Variants in MPP7 observed in about 807,000 individuals in gnomAD.
MPP7 encodes the protein MAGUK p55 scaffold protein 7, also known as MAGUK p55 subfamily member 7.
A neutral mutation model predicts 76.5 loss-of-function variants in MPP7; 60 were observed. That is an observed-to-expected ratio of 0.78 (90% confidence interval 0.64 to 0.97). The LOEUF is 0.97. Ranked by LOEUF, MPP7 falls within the 50% of genes least tolerant of loss-of-function variation. The pLI, the probability that MPP7 is intolerant of heterozygous loss-of-function variation, is 0.00. For synonymous variants in MPP7, 237 were observed against 244.5 expected (o/e 0.97, Z 0.29); for missense variants, 641 against 694.0 (o/e 0.92, Z 0.86).
At chr10:28,098,679 C>A (rs1347682777) in intron 11 of MPP7, among the ~76,000 whole-genome samples, 1 of 151,922 alleles carries the variant, frequency 6.6e-6, no homozygotes, top group East Asian at 1.9e-4. Flanking sequence ...ACACAAAATA[C>A]ATATTGGTTA....
At chr10:28,063,177 T>C (rs1851859695) in intron 13 of MPP7, among the ~76,000 whole-genome samples, 1 of 152,056 alleles carries the variant, frequency 6.6e-6, no homozygotes, top group African/African-American at 2.4e-5. Context: ...TTTTTAAAAA[T>C]GGGCCAGGCA....
chr10:28,100,035 G>A (rs1219428009), intron 11 of MPP7, among the ~76,000 whole-genome samples: 1 of 146,134 alleles, frequency 6.8e-6, no homozygotes, highest in Non-Finnish European at 1.5e-5. Flanking sequence ...GGATTCATTT[G>A]ACCAAGCAAA....
chr10:28,316,850 T>C (rs1834324773), intron 2 of MPP7, among the ~76,000 whole-genome samples: 1 of 152,170 alleles, frequency 6.6e-6, no homozygotes, highest in Non-Finnish European at 1.5e-5. Context: ...CTCTGTCCTC[T>C]GTCAGGCTTT....
intron 2 of MPP7, among the ~76,000 whole-genome samples, chr10:28,319,234 C>T (rs1834344936): frequency 6.6e-6 from 1 of 152,168 alleles, no homozygotes; most frequent in Non-Finnish European, 1.5e-5. Flanking sequence ...TGAGAACTCA[C>T]TCACTGTCAT....
chr10:28,150,503 T>TG (rs1835848999), intron 3 of MPP7, among the ~76,000 whole-genome samples: 1 of 152,240 alleles, frequency 6.6e-6, no homozygotes, highest in Admixed American at 6.5e-5. Flanking sequence ...TTTGGCAGGT[T>TG]GGTATGGAAT....
At chr10:28,245,606 G>A (rs898445883) in intron 1 of MPP7, among the ~76,000 whole-genome samples, 7 of 151,778 alleles carry the variant, frequency 4.6e-5, no homozygotes, top group African/African-American at 1.7e-4. Flanking sequence ...AATAACAAAA[G>A]TAAAACATCT....
At chr10:28,112,702 G>A (rs912886854) in intron 11 of MPP7, among the ~76,000 whole-genome samples, 2 of 152,092 alleles carry the variant, frequency 1.3e-5, no homozygotes, top group African/African-American at 2.4e-5. Flanking sequence ...TATATAAAAC[G>A]TTGATCTCAG....
At chr10:28,229,760 G>T (rs191050699) in intron 2 of MPP7, among the ~76,000 whole-genome samples, 2,051 of 151,978 alleles carry the variant, frequency 0.013, 20 homozygotes, top group Non-Finnish European at 0.023. Context: ...GTGGTGGCAG[G>T]CGCCTGTAGT....
At chr10:28,087,849 G>C (rs777943208) in intron 12 of MPP7, among the ~76,000 whole-genome samples, 2 of 152,178 alleles carry the variant, frequency 1.3e-5, no homozygotes, top group African/African-American at 2.4e-5. Flanking sequence ...TAGCCCCATT[G>C]AGCTGGGAAA....
intron 2 of MPP7, among the ~76,000 whole-genome samples, chr10:28,206,565 T>C (rs1837955764): frequency 6.6e-6 from 1 of 152,144 alleles, no homozygotes; most frequent in East Asian, 1.9e-4. Flanking sequence ...TATATTAATT[T>C]AGATATTAGG....
intron 12 of MPP7, among the ~76,000 whole-genome samples, chr10:28,073,119 G>T (rs1006423408): frequency 3.3e-5 from 5 of 152,134 alleles, no homozygotes; most frequent in Non-Finnish European, 7.3e-5. Context: ...AGATCCCCAT[G>T]ATGGCAATTT....
chr10:28,090,620 GC>G (rs1853249143), intron 11 of MPP7, among the ~76,000 whole-genome samples: 1 of 152,150 alleles, frequency 6.6e-6, no homozygotes. Context: ...CATGGCACAG[GC>G]AGCATCTATT....
intron 4 of MPP7, among the ~76,000 whole-genome samples, chr10:28,149,298 A>G (rs1835804368): frequency 6.6e-6 from 1 of 152,220 alleles, no homozygotes; most frequent in African/African-American, 2.4e-5. Context: ...TTTCTCTTCC[A>G]GCTTCATGTC....
At chr10:28,214,737 C>T (rs1220632262) in intron 2 of MPP7, among the ~76,000 whole-genome samples, 2 of 152,182 alleles carry the variant, frequency 1.3e-5, no homozygotes, top group Non-Finnish European at 2.9e-5. Context: ...GGAAGGGATT[C>T]AGTTCATGGT....
intron 5 of MPP7, among the ~76,000 whole-genome samples, chr10:28,145,686 A>T (rs1835680209): frequency 6.6e-6 from 1 of 152,158 alleles, no homozygotes; most frequent in South Asian, 2.1e-4. Flanking sequence ...CAAACAAAAC[A>T]TCATGTATCC....
intron 1 of MPP7, among the ~76,000 whole-genome samples, chr10:28,269,645 G>A (rs542425736): frequency 6.6e-6 from 1 of 151,224 alleles, no homozygotes; most frequent in South Asian, 2.1e-4. Flanking sequence ...TCCCAGCTCA[G>A]TCTCCCAAGT....
At chr10:28,114,061 T>C (rs1162208278) in intron 11 of MPP7, among the ~76,000 whole-genome samples, 1 of 152,050 alleles carries the variant, frequency 6.6e-6, no homozygotes, top group African/African-American at 2.4e-5. Flanking sequence ...TCAAGTACAT[T>C]AGAGCAGGAG....
At chr10:28,262,020 G>A (rs1953324) in intron 1 of MPP7, among the ~76,000 whole-genome samples, 22,200 of 149,958 alleles carry the variant, frequency 0.15, 2,225 homozygotes, top group East Asian at 0.52. Flanking sequence ...GCATGGTGGC[G>A]CACACCTGTA....
At chr10:28,205,069 C>A (rs1055578178) in intron 2 of MPP7, among the ~76,000 whole-genome samples, 2 of 152,050 alleles carry the variant, frequency 1.3e-5, no homozygotes, top group Non-Finnish European at 2.9e-5. Flanking sequence ...ACTAATATCC[C>A]ACCACAGTTT....
Sources: allele counts gnomAD v4.1 joint callset (sites outside exome capture counted in the v4.1 genomes callset), GRCh38; gene constraint gnomAD v4.1.1; transcripts MANE v1.5; gene names NCBI Gene and HGNC (gene_info 2026-07-23, HGNC 2026-07-21).